The following RASA2 variants were observed in gnomAD, a reference collection of about 807,000 sequenced individuals.
RASA2 encodes ras GTPase-activating protein 2.
A neutral mutation model predicts 118.2 loss-of-function variants in RASA2; 155 were observed. The ratio of observed to expected loss-of-function variants is 1.31; its 90% CI spans 1.15 to 1.50. The LOEUF is 1.50. Ranked by LOEUF, RASA2 falls within the 40% of genes most tolerant of loss-of-function variation. The pLI, the probability that RASA2 is intolerant of heterozygous loss-of-function variation, is 0.00. For synonymous variants in RASA2, 353 were observed against 349.1 expected (o/e 1.01, Z -0.12); for missense variants, 1,016 against 1,009.6 (o/e 1.01, Z -0.09).
chr3:141,543,781 T>C (rs2082439453), intron 5 of RASA2, among the ~76,000 whole-genome samples: 1 of 152,112 alleles, frequency 6.6e-6, no homozygotes, highest in Non-Finnish European at 1.5e-5. Flanking sequence ...AAATTGTTTT[T>C]CCCTATAGGT....
chr3:141,542,257 G>A (rs1251268301), intron 5 of RASA2, among the ~76,000 whole-genome samples: 1 of 152,092 alleles, frequency 6.6e-6, no homozygotes, highest in Non-Finnish European at 1.5e-5. Context: ...CTTTTCCAAA[G>A]TGTTATTTGA....
rs1339616276 is a variant in RASA2 at position 141,607,007 on chromosome 3, ATT to A, written c.1934-670_1934-669del. 7.2e-5 allele frequency among the ~76,000 whole-genome samples: 11 copies of A among 152,314 alleles called. No individual in the cohort carries two copies. The South Asian group carries it at 2.3e-3, about 32-fold the overall frequency. ...AAATCGTTAAGTTGAAATGCATCAT[ATT>A]CTTATGCCATGTTATTATGGAGCTC... On this transcript the variant is annotated intron_variant, in intron 19 of 23. Transcript: ENST00000286364.
intron 21 of RASA2, among the ~76,000 whole-genome samples, chr3:141,608,923 G>C (rs772335342): frequency 1.2e-4 from 18 of 152,194 alleles, no homozygotes; most frequent in Non-Finnish European, 1.6e-4. Flanking sequence ...GAAACACAAA[G>C]TAGATTAGTG....
chr3:141,499,676 T>C (rs2081750637), intron 1 of RASA2, among the ~76,000 whole-genome samples: 1 of 152,194 alleles, frequency 6.6e-6, no homozygotes, highest in Non-Finnish European at 1.5e-5. Context: ...CTCAGCTCAC[T>C]GCAACCTCCA....
intron 9 of RASA2, among the ~76,000 whole-genome samples, chr3:141,562,719 C>T (rs2082753760): frequency 6.6e-6 from 1 of 151,792 alleles, no homozygotes; most frequent in Admixed American, 6.6e-5. Flanking sequence ...TGTCTCCAGG[C>T]TGGAGTGCAG....
chr3:141,527,326 T>C (rs916966932), intron 3 of RASA2, among the ~76,000 whole-genome samples: 8 of 152,128 alleles, frequency 5.3e-5, no homozygotes, highest in South Asian at 4.1e-4. Flanking sequence ...TCACCAGAAG[T>C]CTACTGATTC....
chr3:141,576,911 G>C (rs41265469), intron 14 of RASA2, 89 bp from the exon 15 acceptor site: 112 of 801,750 alleles, frequency 1.4e-4, no homozygotes, highest in Non-Finnish European at 2.1e-4. Context: ...TGCTCTCCTA[G>C]TTTACATGTC....
intron 4 of RASA2, among the ~76,000 whole-genome samples, chr3:141,537,193 T>C (rs1168837403): frequency 6.6e-6 from 1 of 152,150 alleles, no homozygotes; most frequent in East Asian, 1.9e-4. Context: ...TCTGCCCTGT[T>C]CTTTTTTTCT....
At chr3:141,493,905 A>G (rs1225615908) in intron 1 of RASA2, among the ~76,000 whole-genome samples, 1 of 152,356 alleles carries the variant, frequency 6.6e-6, no homozygotes, top group South Asian at 2.1e-4. Context: ...CCACCAACAT[A>G]CAAATTATAG....
intron 1 of RASA2, among the ~76,000 whole-genome samples, chr3:141,508,115 A>G (rs1358620418): frequency 6.6e-6 from 1 of 152,084 alleles, no homozygotes; most frequent in African/African-American, 2.4e-5. Context: ...ATTGTTTTAT[A>G]ATGACTACAT....
intron 3 of RASA2, 125 bp downstream of exon 3, chr3:141,516,556 T>G: frequency 4.1e-6 from 3 of 733,178 alleles, no homozygotes; most frequent in Non-Finnish European, 5.5e-6. Flanking sequence ...TTCTGTAGAC[T>G]ACATGTTCAT....
intron 1 of RASA2, among the ~76,000 whole-genome samples, chr3:141,510,692 G>A (rs2081937874): frequency 6.6e-6 from 1 of 152,188 alleles, no homozygotes; most frequent in Admixed American, 6.5e-5. Flanking sequence ...CGCCATTGAA[G>A]ATATCTAGGA....
chr3:141,608,997 G>T (rs2083593980), intron 21 of RASA2, among the ~76,000 whole-genome samples: 1 of 152,134 alleles, frequency 6.6e-6, no homozygotes, highest in Non-Finnish European at 1.5e-5. Flanking sequence ...TTTTAGGAGT[G>T]AAGAAAATGT....
At chr3:141,501,862 T>G (rs1318683295) in intron 1 of RASA2, among the ~76,000 whole-genome samples, 2 of 152,176 alleles carry the variant, frequency 1.3e-5, no homozygotes, top group African/African-American at 4.8e-5. Flanking sequence ...TCTCACTCTT[T>G]TTTTTTTGTT....
rs1432586821 is a variant in RASA2, at chr3:141,553,851, C to T, written c.528-6C>T. On this transcript the variant is annotated splice_polypyrimidine_tract_variant and splice_region_variant and intron_variant, in intron 5 of 23. Transcript: ENST00000286364. ...AATATGTTAAATCTCTTTTATTCTA[C>T]CTTAGCATCAAGGCATGCCATGGGT... 1.4e-5 allele frequency: 22 copies of T among 1,607,988 alleles called. No individual in the cohort carries two copies. The highest frequency in any genetic ancestry group is 1.9e-5 in the Non-Finnish European group (22 of 1,177,808).
chr3:141,516,993 T>G (rs2082037219), intron 3 of RASA2, among the ~76,000 whole-genome samples: 1 of 152,044 alleles, frequency 6.6e-6, no homozygotes, highest in Admixed American at 6.6e-5. Context: ...AGGCTGATCT[T>G]AAACTCCTGC....
intron 3 of RASA2, among the ~76,000 whole-genome samples, chr3:141,527,632 A>G (rs973323834): frequency 6.6e-6 from 1 of 152,030 alleles, no homozygotes; most frequent in Non-Finnish European, 1.5e-5. Flanking sequence ...GTGGTGTGCA[A>G]TATTGAATAC....
Position 141,574,086 on chromosome 3 carries a change from T to G in RASA2, c.1483+19T>G. 2.1e-6 allele frequency: 3 copies of G among 1,415,712 alleles called. No individual in the cohort carries two copies. Among genetic ancestry groups the G allele is most frequent in the Non-Finnish European group, 2.8e-6 (3 of 1,070,254 alleles). The allele number at this position is 1,415,712 out of a possible 1,614,324, so 87.7% of individuals were successfully genotyped here. On this transcript the variant is annotated intron_variant, in intron 14 of 23. Transcript: ENST00000286364. ...TTTCCTAGTAAGTGCCTTGTTTTAC[T>G]AAAACATGCCATTTATTTTTCTTTG... is the stretch of plus-strand genomic sequence containing the variant.
intron 5 of RASA2, among the ~76,000 whole-genome samples, chr3:141,550,506 G>C (rs190566860): frequency 7.2e-4 from 109 of 152,320 alleles, no homozygotes; most frequent in African/African-American, 2.6e-3. Context: ...GGTGAAATTT[G>C]AGTAAGGGCT....
Sources: gnomAD v4.1 joint callset for allele counts (sites outside exome capture counted in the v4.1 genomes callset) on GRCh38, gnomAD v4.1.1 for gene constraint, MANE v1.5 for transcripts, NCBI Gene and HGNC (gene_info 2026-07-23, HGNC 2026-07-21) for gene names.